Variants in DCX observed in about 807,000 individuals in gnomAD.
DCX encodes doublecortin.
DCX carries 4 observed loss-of-function variants against 20.9 expected under a neutral mutation model. The observed-to-expected ratio is 0.19, with a 90% CI of 0.09 to 0.44. The LOEUF is 0.44. Among genes scored for constraint, DCX ranks in the 20% least tolerant of loss-of-function variants. The pLI is 0.99. For synonymous variants in DCX, 103 were observed against 111.4 expected (o/e 0.92, Z 0.47); for missense variants, 133 against 296.9 (o/e 0.45, Z 4.06).
intron 3 of DCX, among the ~76,000 whole-genome samples, chrX:111,351,786 C>G (rs1036410880): frequency 4.5e-5 from 5 of 112,328 alleles, no homozygotes; most frequent in African/African-American, 1.6e-4. Flanking sequence ...TGCACTGGTG[C>G]GATCATATCT....
intron 3 of DCX, among the ~76,000 whole-genome samples, chrX:111,369,971 T>C (rs1447520541): frequency 8.9e-6 from 1 of 111,793 alleles, no homozygotes; most frequent in African/African-American, 3.2e-5. Context: ...AGCCAGGCAC[T>C]GCACTAGGTA....
At chrX:111,389,446 C>T (rs775149613) in intron 3 of DCX, among the ~76,000 whole-genome samples, 256 of 111,424 alleles carry the variant, frequency 2.3e-3, no homozygotes, top group Admixed American at 9.6e-4. Flanking sequence ...AAGATTACTC[C>T]CAAGCCTATA....
At chrX:111,379,825 G>A (rs1925828314) in intron 3 of DCX, among the ~76,000 whole-genome samples, 1 of 111,097 alleles carries the variant, frequency 9.0e-6, no homozygotes, top group Non-Finnish European at 1.9e-5. Flanking sequence ...CAGTGCATGA[G>A]GTTTCTTTCT....
At chrX:111,319,098 G>A (rs1304415531) in intron 5 of DCX, among the ~76,000 whole-genome samples, 3 of 112,169 alleles carry the variant, frequency 2.7e-5, no homozygotes, top group Non-Finnish European at 3.8e-5. Context: ...AGAGGATAAG[G>A]GTCAGCCCCT....
At chrX:111,401,474 G>T in intron 2 of DCX, 144 bp from the exon 3 acceptor site, 2 of 521,708 alleles carry the variant, frequency 3.8e-6, no homozygotes, top group Non-Finnish European at 6.3e-6. Context: ...TTCCTAATTG[G>T]GCTAAAAACT....
chrX:111,384,294 C>T (rs1019025907), intron 3 of DCX, among the ~76,000 whole-genome samples: 14 of 111,469 alleles, frequency 1.3e-4, no homozygotes, highest in Middle Eastern at 4.2e-3. Flanking sequence ...AATCTAAGTG[C>T]GTATGCATTA....
chrX:111,303,070 A>C (rs1434464671), intron 6 of DCX, among the ~76,000 whole-genome samples: 1 of 109,588 alleles, frequency 9.1e-6, no homozygotes, highest in Non-Finnish European at 1.9e-5. Context: ...TTTGCATATG[A>C]TATGAGGTCT....
At chrX:111,332,256 T>C (rs866543917) in intron 4 of DCX, among the ~76,000 whole-genome samples, 2 of 112,270 alleles carry the variant, frequency 1.8e-5, no homozygotes, top group Admixed American at 1.9e-4. Flanking sequence ...CTGAGGTTTG[T>C]TTAGCTATTC....
chrX:111,347,110 A>G (rs186667893), intron 3 of DCX, among the ~76,000 whole-genome samples: 348 of 111,729 alleles, frequency 3.1e-3, no homozygotes, highest in Non-Finnish European at 5.2e-3. Flanking sequence ...ATATTTAAAA[A>G]TTATTATTAG....
At chrX:111,369,800 C>T (rs1443901048) in intron 3 of DCX, among the ~76,000 whole-genome samples, 1 of 111,671 alleles carries the variant, frequency 9.0e-6, no homozygotes, top group African/African-American at 3.3e-5. Flanking sequence ...ATGCATCTTT[C>T]AAATGGAAAT....
chrX:111,339,303 G>A (rs1338565974), intron 3 of DCX, among the ~76,000 whole-genome samples: 1 of 111,625 alleles, frequency 9.0e-6, no homozygotes. Flanking sequence ...TGAAAGGTGG[G>A]GTTTTTTAGA....
chrX:111,402,176 A>C (rs925031914), intron 2 of DCX, among the ~76,000 whole-genome samples: 1 of 112,060 alleles, frequency 8.9e-6, no homozygotes, highest in Non-Finnish European at 1.9e-5. Flanking sequence ...ACAAGTAATG[A>C]GGTAAAGAAG....
intron 3 of DCX, among the ~76,000 whole-genome samples, chrX:111,397,565 T>C (rs372575325): frequency 1.1e-3 from 120 of 112,308 alleles, no homozygotes; most frequent in African/African-American, 3.7e-3. Context: ...ACTTTCACTA[T>C]ACCCAGCATC....
intron 3 of DCX, among the ~76,000 whole-genome samples, chrX:111,357,669 C>G (rs1053708127): frequency 3.6e-5 from 4 of 109,887 alleles, no homozygotes; most frequent in Non-Finnish European, 7.6e-5. Flanking sequence ...CTAGTCCCAG[C>G]TACTCAGGTG....
intron 2 of DCX, among the ~76,000 whole-genome samples, chrX:111,408,691 A>AAAGAAAGAAAGAAAGAAAGGAAGG (rs1268843561): frequency 9.7e-6 from 1 of 103,257 alleles, no homozygotes; most frequent in African/African-American, 3.7e-5. Context: ...AGAAAGAAAG[A>AAAGAAAGAAAGAAAGAAAGGAAGG]AAGGAAGGAA....
intron 3 of DCX, among the ~76,000 whole-genome samples, chrX:111,372,741 A>G (rs5985330): frequency 0.081 from 8,987 of 111,392 alleles, 612 homozygotes; most frequent in African/African-American, 0.22. Context: ...ACAGCTGAAA[A>G]CAGAACTTCT....
chrX:111,323,397 A>C (rs1431604680), intron 5 of DCX, among the ~76,000 whole-genome samples: 1 of 111,375 alleles, frequency 9.0e-6, no homozygotes, highest in Non-Finnish European at 1.9e-5. Context: ...CCACATAGAA[A>C]AGAGTTCAAT....
intron 3 of DCX, among the ~76,000 whole-genome samples, chrX:111,350,923 G>A (rs1425118367): frequency 8.9e-6 from 1 of 111,945 alleles, no homozygotes; most frequent in African/African-American, 3.2e-5. Flanking sequence ...CAGAGAAGAG[G>A]GAATGAGAAC....
In DCX at chrX:111,341,245, C is replaced by T. The variant is rs765580735; in HGVS notation, c.706-8092G>A. ...TGAAGCATACACAAATATTAATAGC[C>T]GACTCGACCAAGCAGAAGAAAGGAT... is the stretch of plus-strand genomic sequence containing the variant. On this transcript the variant is annotated intron_variant, in intron 3 of 6. Coordinates refer to ENST00000636035, the MANE Select transcript of DCX (RefSeq NM_001195553.2). Among the ~76,000 whole-genome samples, 8 of 108,374 alleles carry T rather than the reference C, an allele frequency of 7.4e-5. No homozygotes were observed. The South Asian group carries it at 2.9e-3, about 39-fold the overall frequency. 94.1% of individuals were successfully genotyped at this position (108,374 alleles called of 115,157 possible).
Sources: gnomAD v4.1 joint callset for allele counts (sites outside exome capture counted in the v4.1 genomes callset) on GRCh38, gnomAD v4.1.1 for gene constraint, MANE v1.5 for transcripts, NCBI Gene and HGNC (gene_info 2026-07-23, HGNC 2026-07-21) for gene names.